TTC28: variants seen among roughly 807,000 people sequenced by gnomAD.
TTC28 encodes tetratricopeptide repeat protein 28.
Under a neutral mutation model 198.0 loss-of-function variants are expected in TTC28, and 61 were observed. The ratio of observed to expected loss-of-function variants is 0.31; its 90% confidence interval spans 0.25 to 0.38. The LOEUF is 0.38. TTC28 is among the 10% of genes least tolerant of loss of function. TTC28 has a pLI of 1.00. For synonymous variants in TTC28, 1,171 were observed against 1,297.8 expected (o/e 0.90, Z 2.10); for missense variants, 2,678 against 3,164.0 (o/e 0.85, Z 3.69).
chr22:28,284,683 A>G (rs1285014564), intron 5 of TTC28, among the ~76,000 whole-genome samples: 1 of 152,166 alleles, frequency 6.6e-6, no homozygotes, highest in Non-Finnish European at 1.5e-5. Flanking sequence ...TAAAAAAAGC[A>G]AAGGACCTGA....
At chr22:28,093,539 A>C (rs1444451797) in intron 12 of TTC28, among the ~76,000 whole-genome samples, 1 of 152,222 alleles carries the variant, frequency 6.6e-6, no homozygotes, top group Non-Finnish European at 1.5e-5. Flanking sequence ...GTCAATCATT[A>C]TGATAAAATG....
intron 2 of TTC28, among the ~76,000 whole-genome samples, chr22:28,398,829 A>G (rs1037642536): frequency 6.6e-6 from 1 of 152,314 alleles, no homozygotes; most frequent in Non-Finnish European, 1.5e-5. Context: ...AACATGACCT[A>G]TCAAGTGAGT....
intron 2 of TTC28, among the ~76,000 whole-genome samples, chr22:28,435,200 G>T (rs1294720319): frequency 1.3e-5 from 2 of 152,106 alleles, no homozygotes; most frequent in Non-Finnish European, 2.9e-5. Flanking sequence ...TAAAATGCAT[G>T]CAAAAAGGAC....
chr22:28,065,220 A>G (rs1940706661), intron 12 of TTC28, among the ~76,000 whole-genome samples: 1 of 152,160 alleles, frequency 6.6e-6, no homozygotes, highest in South Asian at 2.1e-4. Context: ...CCACAGTGGT[A>G]TATGTAAGGA....
rs34398046 is a variant in TTC28 at position 28,199,383 on chromosome 22, TTATATATATATATATATATATATA to T, written c.934-35808_934-35785del. On this transcript the variant is annotated intron_variant, in intron 5 of 22. Coordinates refer to ENST00000397906, the MANE Select transcript of TTC28 (RefSeq NM_001145418.2). ...AGTATAATGCCACTTACATTAAAAA[TTATATATATATATATATATATATA>T]TATATATATATATATGTAACTATTC... is the stretch of plus-strand genomic sequence containing the variant. Among the ~76,000 whole-genome samples the T allele has an allele frequency of 4.3e-3, 504 of 118,502 alleles. 7 individuals are homozygous for T. The highest frequency in any genetic ancestry group is 5.2e-3 in the Non-Finnish European group (303 of 58,596). The allele number at this position is 118,502 out of a possible 152,430, so 77.7% of individuals were successfully genotyped here.
intron 5 of TTC28, among the ~76,000 whole-genome samples, chr22:28,288,170 T>G (rs2044719713): frequency 2.6e-5 from 4 of 152,186 alleles, no homozygotes; most frequent in Non-Finnish European, 5.9e-5. Flanking sequence ...AATTTAATTC[T>G]CACAACAATA....
chr22:28,140,761 A>C (rs1943312132), intron 6 of TTC28, among the ~76,000 whole-genome samples: 1 of 152,228 alleles, frequency 6.6e-6, no homozygotes, highest in Non-Finnish European at 1.5e-5. Context: ...ACTCTCTTAC[A>C]TATTTATTTA....
At chr22:28,547,140 T>A (rs1226725203) in intron 2 of TTC28, among the ~76,000 whole-genome samples, 1 of 152,240 alleles carries the variant, frequency 6.6e-6, no homozygotes, top group Non-Finnish European at 1.5e-5. Context: ...GGATGTTTTA[T>A]AATATTTGCA....
intron 15 of TTC28, chr22:28,000,903 G>C: frequency 6.3e-6 from 1 of 158,074 alleles, no homozygotes; most frequent in Non-Finnish European, 1.4e-5. Flanking sequence ...CAGTTCCACT[G>C]GCCTGTCGGG....
chr22:28,424,237 A>G (rs1262273209), intron 2 of TTC28, among the ~76,000 whole-genome samples: 1 of 152,168 alleles, frequency 6.6e-6, no homozygotes, highest in Non-Finnish European at 1.5e-5. Flanking sequence ...ATAAACAAAC[A>G]AATAAGTAAA....
intron 13 of TTC28, among the ~76,000 whole-genome samples, chr22:28,028,226 G>A (rs188198549): frequency 1.3e-4 from 20 of 152,340 alleles, no homozygotes; most frequent in Admixed American, 1.0e-3. Context: ...CAAGGGAGCT[G>A]GGTGCAAGCT....
At chr22:28,224,714 A>G (rs1356573244) in intron 5 of TTC28, among the ~76,000 whole-genome samples, 1 of 152,122 alleles carries the variant, frequency 6.6e-6, no homozygotes, top group East Asian at 1.9e-4. Flanking sequence ...TGAGAAGCAA[A>G]TATAAGAAAG....
chr22:28,370,254 C>T (rs2046311913), intron 2 of TTC28, among the ~76,000 whole-genome samples: 1 of 152,190 alleles, frequency 6.6e-6, no homozygotes, highest in African/African-American at 2.4e-5. Flanking sequence ...AACAAGCTCT[C>T]ATTAGACTTC....
At chr22:28,524,453 C>A (rs1032856641) in intron 2 of TTC28, among the ~76,000 whole-genome samples, 2 of 144,334 alleles carry the variant, frequency 1.4e-5, no homozygotes, top group Admixed American at 7.0e-5. Flanking sequence ...GAGCCAGAAG[C>A]CAGCTCAAAA....
intron 2 of TTC28, among the ~76,000 whole-genome samples, chr22:28,561,167 G>A (rs553426819): frequency 2.0e-5 from 3 of 149,948 alleles, no homozygotes; most frequent in East Asian, 2.0e-4. Flanking sequence ...TCCGCCTCCC[G>A]GGTTCATGCC....
At chr22:28,487,454 T>C (rs1225029517) in intron 2 of TTC28, among the ~76,000 whole-genome samples, 2 of 151,972 alleles carry the variant, frequency 1.3e-5, no homozygotes, top group African/African-American at 2.4e-5. Context: ...ATAAAATTAA[T>C]AAATTTGTAA....
chr22:28,299,650 T>G (rs1023547242), intron 3 of TTC28, among the ~76,000 whole-genome samples: 1 of 152,204 alleles, frequency 6.6e-6, no homozygotes, highest in African/African-American at 2.4e-5. Context: ...GTAGTCAATG[T>G]TGATCACATC....
At chr22:28,104,730 C>T (rs1601623587) in intron 8 of TTC28, among the ~76,000 whole-genome samples, 1 of 152,144 alleles carries the variant, frequency 6.6e-6, no homozygotes, top group Admixed American at 6.5e-5. Flanking sequence ...GAGAAAGAAG[C>T]CTGGTTTACT....
At chr22:28,659,051 G>A (rs551193336) in intron 1 of TTC28, among the ~76,000 whole-genome samples, 3 of 152,246 alleles carry the variant, frequency 2.0e-5, no homozygotes, top group African/African-American at 4.8e-5. Flanking sequence ...TATCATGTAA[G>A]AAAACAGCAG....
Sources: gnomAD v4.1 joint callset for allele counts (sites outside exome capture counted in the v4.1 genomes callset) on GRCh38, gnomAD v4.1.1 for gene constraint, MANE v1.5 for transcripts, NCBI Gene and HGNC (gene_info 2026-07-23, HGNC 2026-07-21) for gene names.